The following UBE2E1 variants were observed in gnomAD, a reference collection of about 807,000 sequenced individuals.
UBE2E1 encodes the protein ubiquitin conjugating enzyme E2 E1.
UBE2E1 carries 6 observed loss-of-function variants against 21.4 expected under a neutral mutation model. The observed-to-expected ratio is 0.28, with a 90% CI of 0.15 to 0.55. UBE2E1 has a LOEUF of 0.55. UBE2E1 is among the 20% of genes least tolerant of loss of function. UBE2E1 has a pLI of 0.93. For synonymous variants in UBE2E1, 87 were observed against 82.7 expected (o/e 1.05, Z -0.28); for missense variants, 142 against 236.5 (o/e 0.60, Z 2.62).
chr3:23,856,745 G>A (rs915955328), intron 3 of UBE2E1, among the ~76,000 whole-genome samples: 2 of 152,134 alleles, frequency 1.3e-5, no homozygotes, highest in African/African-American at 4.8e-5. Context: ...AAAGTGAGAG[G>A]GGAGTTCAGA....
At chr3:23,807,498 G>T (rs1699303694) in intron 2 of UBE2E1, 77 bp downstream of exon 2, 1 of 1,557,674 alleles carries the variant, frequency 6.4e-7, no homozygotes, top group Non-Finnish European at 8.7e-7. Context: ...GCCTCCCAAT[G>T]AGGATAGCTT....
At chr3:23,849,542 G>T (rs1700279628) in intron 3 of UBE2E1, among the ~76,000 whole-genome samples, 1 of 152,072 alleles carries the variant, frequency 6.6e-6, no homozygotes, top group Non-Finnish European at 1.5e-5. Flanking sequence ...AGTGTGTGAT[G>T]TTTCCCTCCC....
chr3:23,828,327 C>T (rs1003621571), intron 3 of UBE2E1, among the ~76,000 whole-genome samples: 8 of 152,138 alleles, frequency 5.3e-5, no homozygotes, highest in Non-Finnish European at 8.8e-5. Flanking sequence ...GTGTTTTAAT[C>T]TTCCATTGTG....
rs1455673565 is a variant in UBE2E1 at position 23,890,154 on chromosome 3, A to G, written c.485-355A>G. Reference sequence around the variant, plus strand: ...TGACATTGAGCTAAGGGTCACATGAACACAGCTGGATGTTCATTGCAGTCT... The same window carrying G: ...TGACATTGAGCTAAGGGTCACATGAGCACAGCTGGATGTTCATTGCAGTCT... On this transcript the variant is annotated intron_variant, in intron 5 of 5. Transcript: ENST00000306627. 7.9e-5 allele frequency among the ~76,000 whole-genome samples: 12 copies of G among 152,300 alleles called. No homozygotes were observed. The East Asian group carries it at 1.7e-3, about 22-fold the overall frequency.
At chr3:23,886,194 ACT>A (rs1042789502) in intron 3 of UBE2E1, among the ~76,000 whole-genome samples, 3 of 152,112 alleles carry the variant, frequency 2.0e-5, no homozygotes, top group African/African-American at 7.2e-5. Context: ...GCAGATCAAG[ACT>A]CTGTTTCAAA....
intron 3 of UBE2E1, among the ~76,000 whole-genome samples, chr3:23,882,817 C>T (rs1006236477): frequency 1.3e-5 from 2 of 152,238 alleles, no homozygotes; most frequent in Non-Finnish European, 2.9e-5. Context: ...GTGGCGCCGG[C>T]CGGCTGCTCC....
chr3:23,838,783 C>A lies in UBE2E1; in HGVS notation c.203+27273C>A, dbSNP rs534039070. On this transcript the variant is annotated intron_variant, in intron 3 of 5. Transcript: ENST00000306627. ...GAGTGCCGGGATTACAGGTGTGAGCCACTACCGTGCCAGGCCTGATATAAT... is the reference window on the plus strand; with the variant it reads ...GAGTGCCGGGATTACAGGTGTGAGCAACTACCGTGCCAGGCCTGATATAAT... Among the ~76,000 whole-genome samples, 22 of 152,264 alleles carry A rather than the reference C, an allele frequency of 1.4e-4. No homozygotes were observed. The South Asian group carries it at 4.6e-3, about 32-fold the overall frequency.
intron 3 of UBE2E1, among the ~76,000 whole-genome samples, chr3:23,877,619 T>G (rs960212427): frequency 3.3e-5 from 5 of 152,162 alleles, no homozygotes; most frequent in South Asian, 2.1e-4. Context: ...TTACTTCCAG[T>G]TGAGAACCAC....
At chr3:23,820,784 G>A (rs1195660015) in intron 3 of UBE2E1, among the ~76,000 whole-genome samples, 1 of 152,148 alleles carries the variant, frequency 6.6e-6, no homozygotes, top group Non-Finnish European at 1.5e-5. Context: ...GAGTCTACTA[G>A]CATTGAAATG....
intron 2 of UBE2E1, 189 bp downstream of exon 2, chr3:23,807,610 C>T (rs150035669): frequency 4.7e-6 from 3 of 636,106 alleles, no homozygotes; most frequent in East Asian, 6.5e-5. Context: ...TCATTGCTCA[C>T]ATGCAGCTGT....
intron 3 of UBE2E1, among the ~76,000 whole-genome samples, chr3:23,828,617 A>G (rs1699802929): frequency 6.6e-6 from 1 of 152,252 alleles, no homozygotes. Context: ...GACTCAAATT[A>G]CAAACTGAGC....
intron 3 of UBE2E1, among the ~76,000 whole-genome samples, chr3:23,845,537 T>C (rs1250759564): frequency 6.6e-6 from 1 of 151,576 alleles, no homozygotes. Context: ...ATTCCTCTTT[T>C]GTCCATCTCC....
intron 3 of UBE2E1, among the ~76,000 whole-genome samples, chr3:23,877,389 C>T (rs1439164540): frequency 6.6e-6 from 1 of 152,138 alleles, no homozygotes; most frequent in Non-Finnish European, 1.5e-5. Context: ...CTAGCTTAAC[C>T]CTGAGCAAAT....
In UBE2E1 at chr3:23,810,516, C is replaced by T. The variant is rs1366844323; in HGVS notation, c.153-944C>T. The T allele has an allele frequency of 1.3e-6, 2 of 1,535,182 alleles. No homozygotes were observed. On this transcript the variant is annotated intron_variant, in intron 2 of 5. Coordinates refer to ENST00000306627, the MANE Select transcript of UBE2E1 (RefSeq NM_003341.5). This position sits in a 1 kb window ranked among gnomAD's most constrained non-coding sequence, Gnocchi z 5.8. ...AGACCCCGGGAAGTTAGAGGACGCC[C>T]GGGGAAAAGCAGGTCCGGGGAGGTG...
chr3:23,832,631 A>C (rs1416766308), intron 3 of UBE2E1, among the ~76,000 whole-genome samples: 2 of 152,172 alleles, frequency 1.3e-5, no homozygotes, highest in African/African-American at 2.4e-5. Flanking sequence ...TAGAGGTTGC[A>C]GTGAGCTGAG....
chr3:23,809,979 C>G (rs1420456703), intron 2 of UBE2E1, among the ~76,000 whole-genome samples: 1 of 152,132 alleles, frequency 6.6e-6, no homozygotes, highest in African/African-American at 2.4e-5. Flanking sequence ...TTGACAGATA[C>G]GTAGGGACAG....
intron 3 of UBE2E1, chr3:23,879,203 A>G (rs1383203419): frequency 1.1e-6 from 1 of 890,124 alleles, no homozygotes; most frequent in Non-Finnish European, 1.7e-6. Flanking sequence ...TAGAGTCCAC[A>G]ACAAATACAA....
intron 3 of UBE2E1, among the ~76,000 whole-genome samples, chr3:23,874,396 T>C (rs1450488550): frequency 6.6e-6 from 1 of 152,266 alleles, no homozygotes; most frequent in South Asian, 2.1e-4. Flanking sequence ...CTCTCACTTA[T>C]GCACAATATA....
intron 3 of UBE2E1, among the ~76,000 whole-genome samples, chr3:23,830,813 C>T (rs1337197705): frequency 6.6e-6 from 1 of 152,150 alleles, no homozygotes; most frequent in African/African-American, 2.4e-5. Flanking sequence ...GAATTTAGAT[C>T]CCCCTTGGAG....
Sources: gnomAD v4.1 joint callset for allele counts (sites outside exome capture counted in the v4.1 genomes callset) on GRCh38, gnomAD v4.1.1 for gene constraint, Gnocchi (gnomAD v3.1) non-coding constraint, MANE v1.5 for transcripts, NCBI Gene and HGNC (gene_info 2026-07-23, HGNC 2026-07-21) for gene names.